Variants in DCAF5 observed in about 807,000 individuals in gnomAD.
DCAF5 encodes the protein DDB1 and CUL4 associated factor 5, also known as DDB1- and CUL4-associated factor 5.
DCAF5 carries 9 observed loss-of-function variants against 80.7 expected under a neutral mutation model. The ratio of observed to expected loss-of-function variants is 0.11; its 90% CI spans 0.07 to 0.19. DCAF5 has a LOEUF of 0.19. DCAF5 is among the 10% of genes least tolerant of loss of function. The pLI, the probability that DCAF5 is intolerant of heterozygous loss-of-function variation, is 1.00. For synonymous variants in DCAF5, 433 were observed against 461.9 expected, an observed-to-expected ratio of 0.94 and a Z score of 0.80; for missense variants, 842 against 1,205.7, an observed-to-expected ratio of 0.70 and a Z score of 4.47.
chr14:69,116,702 C>A (rs183247279), intron 4 of DCAF5, among the ~76,000 whole-genome samples: 1 of 151,414 alleles, frequency 6.6e-6, no homozygotes, highest in African/African-American at 2.4e-5. Flanking sequence ...ACACATTTAA[C>A]CACATTTTAA....
At chr14:69,135,192 T>C (rs2041154623) in intron 1 of DCAF5, among the ~76,000 whole-genome samples, 1 of 152,254 alleles carries the variant, frequency 6.6e-6, no homozygotes. Flanking sequence ...CCTTTTTCAC[T>C]GTTTGAAACT....
rs2037903471 is a variant in DCAF5 at position 69,055,027 on chromosome 14, G to A, written c.1659C>T (p.Pro553=). 1 of 1,614,144 alleles carries A rather than the reference G, an allele frequency of 6.2e-7. No homozygotes were observed. The highest frequency in any genetic ancestry group is 8.5e-7 in the Non-Finnish European group (1 of 1,180,054). ...AACTGCTGGATTCATCTTCGGGGCT[G>A]GGTGACCGTGGCCGGGGAAAGAGAT... is the stretch of plus-strand genomic sequence containing the variant. The part of the protein sequence containing the change: ...DTDLFPRPRS[P]SPEDESSSSS... The change falls in exon 9 of 9, where the codon CCC becomes CCT. Residue 553 remains proline (P), a synonymous_variant. Coordinates refer to ENST00000341516, the MANE Select transcript of DCAF5 (RefSeq NM_003861.3). This position sits in a 1 kb window ranked among gnomAD's most constrained non-coding sequence, Gnocchi z 5.6.
rs138635646 is a variant in DCAF5 at position 69,139,750 on chromosome 14, C to T, written c.214+13015G>A. ...GGAATGGCTTGAACCCAGGAGGTGG[C>T]GACTGCAGTGAGTGAGATCACACCA... On this transcript the variant is annotated intron_variant, in intron 1 of 8. Transcript: ENST00000341516. 7.3e-3 allele frequency among the ~76,000 whole-genome samples: 1,099 copies of T among 150,232 alleles called. 9 individuals are homozygous for T. Among genetic ancestry groups the T allele is most frequent in the African/African-American group, 0.026 (1,042 of 40,840 alleles).
intron 7 of DCAF5, among the ~76,000 whole-genome samples, chr14:69,071,596 G>A (rs964506853): frequency 6.6e-6 from 1 of 151,794 alleles, no homozygotes; most frequent in Non-Finnish European, 1.5e-5. Flanking sequence ...AGAGAAAGAG[G>A]GAGGGAGGGA....
In DCAF5 at chr14:69,153,000, GCTCGCGCCGCCGCCC is replaced by G; in HGVS notation, c.-37_-23del. 1 of 1,529,976 alleles carries G rather than the reference GCTCGCGCCGCCGCCC, an allele frequency of 6.5e-7. No homozygotes were observed. Among genetic ancestry groups the G allele is most frequent in the Non-Finnish European group, 8.7e-7 (1 of 1,143,778 alleles). The allele number at this position is 1,529,976 out of a possible 1,614,324, so 94.8% of individuals were successfully genotyped here. A position where few individuals can be genotyped will look rare whatever the true frequency, so the allele number is the denominator to read the frequency against. On this transcript the variant is annotated 5_prime_UTR_variant, in exon 1 of 9. Transcript: ENST00000341516. The surrounding 1 kb of genome is among the most constrained non-coding windows in gnomAD (Gnocchi z 4.1). ...TCATGCTGGAACCGCCGCCGCCGCC[GCTCGCGCCGCCGCCC>G]CTCCCTCGGCCTCACGCGCGGCCGC...
At chr14:69,136,102 G>C (rs1640156807) in intron 1 of DCAF5, among the ~76,000 whole-genome samples, 1 of 144,700 alleles carries the variant, frequency 6.9e-6, no homozygotes, top group Admixed American at 7.4e-5. Context: ...TATAAAAACT[G>C]ATGTGTAAAA....
At chr14:69,103,484 G>A (rs559115189) in intron 5 of DCAF5, among the ~76,000 whole-genome samples, 7 of 152,274 alleles carry the variant, frequency 4.6e-5, no homozygotes, top group South Asian at 2.1e-4. Context: ...GTACAAGAAC[G>A]TCCTGTGCAT....
intron 1 of DCAF5, among the ~76,000 whole-genome samples, chr14:69,145,552 A>T (rs1276178720): frequency 6.6e-6 from 1 of 152,194 alleles, no homozygotes; most frequent in Non-Finnish European, 1.5e-5. Flanking sequence ...ATAGCAACAT[A>T]AGAAAATCAA....
rs1392598341 is a variant in DCAF5 at position 69,075,352 on chromosome 14, T to A, written c.939A>T (p.Pro313=). 6.2e-7 allele frequency: 1 copy of A among 1,605,608 alleles called. No individual in the cohort carries two copies. The highest frequency in any genetic ancestry group is 8.5e-7 in the Non-Finnish European group (1 of 1,174,256). The change falls in exon 7 of 9, where the codon CCA becomes CCT. Residue 313 remains proline, a synonymous_variant. Coordinates refer to ENST00000341516, the MANE Select transcript of DCAF5 (RefSeq NM_003861.3). Reference sequence around the variant, plus strand: ...TGTGAAGGATATACTTGCCTGCTTCTGGATCTGCAGGAATTCTCCACATGT... The same window carrying A: ...TGTGAAGGATATACTTGCCTGCTTCAGGATCTGCAGGAATTCTCCACATGT... ...NLYMWRIPAD[P]EAGGIGRVVN...
intron 6 of DCAF5, among the ~76,000 whole-genome samples, chr14:69,076,663 C>G (rs1290336137): frequency 1.3e-5 from 2 of 152,140 alleles, no homozygotes. Context: ...TGGGGAGTTT[C>G]AGTCTGGGAT....
At chr14:69,056,051 C>T (rs2037958445) in intron 8 of DCAF5, among the ~76,000 whole-genome samples, 2 of 152,178 alleles carry the variant, frequency 1.3e-5, no homozygotes, top group Admixed American at 1.3e-4. Flanking sequence ...CAGAGAGGTA[C>T]CACTTTTCCC....
chr14:69,074,290 G>T (rs2038815104), intron 7 of DCAF5, among the ~76,000 whole-genome samples: 1 of 152,042 alleles, frequency 6.6e-6, no homozygotes, highest in African/African-American at 2.4e-5. Flanking sequence ...ATATTGAGCT[G>T]TTTGAGTATT....
At chr14:69,136,113 C>CT (rs35359938) in intron 1 of DCAF5, among the ~76,000 whole-genome samples, 38,886 of 125,220 alleles carry the variant, frequency 0.31, 7,176 homozygotes, top group Middle Eastern at 0.45. Context: ...ATGTGTAAAA[C>CT]TTTTTTTTTT....
At chr14:69,137,527 A>G (rs8008735) in intron 1 of DCAF5, among the ~76,000 whole-genome samples, 1 of 152,188 alleles carries the variant, frequency 6.6e-6, no homozygotes, top group South Asian at 2.1e-4. Flanking sequence ...CAACATAATA[A>G]AGCTTTCTTG....
intron 5 of DCAF5, among the ~76,000 whole-genome samples, chr14:69,105,939 A>ATC (rs1555374885): frequency 2.0e-5 from 2 of 99,336 alleles, no homozygotes; most frequent in African/African-American, 6.6e-5. Context: ...ATATATATAT[A>ATC]TATATATCTC....
chr14:69,078,976 C>G (rs8003428), intron 6 of DCAF5, among the ~76,000 whole-genome samples: 17,782 of 152,100 alleles, frequency 0.12, 1,203 homozygotes, highest in Middle Eastern at 0.22. Context: ...AATTTTCATG[C>G]CTCAGCCTCC....
chr14:69,108,441 G>A (rs2040241558), intron 5 of DCAF5, among the ~76,000 whole-genome samples: 1 of 152,166 alleles, frequency 6.6e-6, no homozygotes, highest in Admixed American at 6.5e-5. Context: ...TAAGGAGCCA[G>A]TGCAGTCAGA....
intron 7 of DCAF5, among the ~76,000 whole-genome samples, chr14:69,064,070 GCCATGGTGGGAA>G (rs1303474615): frequency 6.6e-6 from 1 of 152,174 alleles, no homozygotes; most frequent in East Asian, 1.9e-4. Flanking sequence ...GATGTAGACT[GCCATGGTGGGAA>G]CCCCTAGCAC....
intron 3 of DCAF5, 136 bp downstream of exon 3, chr14:69,119,058 A>T (rs1326636116): frequency 2.6e-6 from 2 of 783,390 alleles, no homozygotes; most frequent in Non-Finnish European, 3.8e-6. Context: ...TATTGTAGGA[A>T]TTTTTTTAGA....
Sources: gnomAD v4.1 joint callset for allele counts (sites outside exome capture counted in the v4.1 genomes callset) on GRCh38, gnomAD v4.1.1 for gene constraint, Gnocchi (gnomAD v3.1) non-coding constraint, MANE v1.5 for transcripts, NCBI Gene and HGNC (gene_info 2026-07-23, HGNC 2026-07-21) for gene names.